The following PEX5L variants were observed in gnomAD, a reference collection of about 807,000 sequenced individuals.
PEX5L encodes the protein PEX5-related protein.
Under a neutral mutation model 84.0 loss-of-function variants are expected in PEX5L, and 30 were observed. That is an observed-to-expected ratio of 0.36 (90% CI 0.27 to 0.48). The LOEUF is 0.48. PEX5L is among the 20% of genes least tolerant of loss of function. The pLI is 0.99. For missense variants in PEX5L, 533 were observed against 754.6 expected (o/e 0.71, Z 3.44); for synonymous variants, 270 against 283.1 (o/e 0.95, Z 0.46).
At chr3:180,000,759 T>C (rs1359081160) in intron 1 of PEX5L, among the ~76,000 whole-genome samples, 1 of 152,244 alleles carries the variant, frequency 6.6e-6, no homozygotes, top group Non-Finnish European at 1.5e-5. Context: ...CATTTAAGTA[T>C]TGTTAACTTT....
intron 3 of PEX5L, among the ~76,000 whole-genome samples, chr3:179,893,300 T>G (rs900919723): frequency 1.3e-5 from 2 of 152,190 alleles, no homozygotes; most frequent in African/African-American, 4.8e-5. Context: ...CTACATTTGC[T>G]TTAGCTCCAC....
intron 2 of PEX5L, chr3:179,902,759 C>A: frequency 2.5e-6 from 1 of 404,758 alleles, no homozygotes; most frequent in Non-Finnish European, 4.9e-6. Context: ...ATTACTGCTA[C>A]CAAGGAATTT....
At chr3:179,877,922 C>G (rs563871756) in intron 5 of PEX5L, among the ~76,000 whole-genome samples, 68 of 152,320 alleles carry the variant, frequency 4.5e-4, no homozygotes, top group Non-Finnish European at 7.9e-4. Flanking sequence ...GTGTATGCCA[C>G]TAGTTTGAAC....
intron 1 of PEX5L, among the ~76,000 whole-genome samples, chr3:179,977,167 TAAAGA>T: frequency 6.6e-6 from 1 of 152,282 alleles, no homozygotes; most frequent in East Asian, 1.9e-4. Flanking sequence ...TTTTTATAAT[TAAAGA>T]AAAGTAAACA....
chr3:179,972,116 T>C (rs910912464), intron 1 of PEX5L, among the ~76,000 whole-genome samples: 1 of 152,164 alleles, frequency 6.6e-6, no homozygotes, highest in Admixed American at 6.6e-5. Context: ...ATTATGCAAC[T>C]CAGATAATGA....
At chr3:179,979,766 G>A (rs2110323291) in intron 1 of PEX5L, among the ~76,000 whole-genome samples, 1 of 152,300 alleles carries the variant, frequency 6.6e-6, no homozygotes. Context: ...ATTGCTTGAT[G>A]TTCTGCTTCT....
At position 179,808,325 on chromosome 3, in the gene PEX5L, C is replaced by T; in HGVS notation, c.1465G>A (p.Glu489Lys). 6.2e-7 allele frequency: 1 copy of T among 1,605,368 alleles called. No individual in the cohort carries two copies. Among genetic ancestry groups the T allele is most frequent in the South Asian group, 1.1e-5 (1 of 89,266 alleles). ...AATGCATCTATTGCTCTATTAAATT[C>T]TCCACTCAGGTGGAACAGAACCCCT... ...GLGVLFHLSG[E>K]FNRAIDAFNA... The change falls in exon 13 of 15, where the codon GAA becomes AAA. Residue 489 changes from glutamate to lysine, a missense_variant. By Grantham distance (56) the Glu-to-Lys change is moderately conservative (BLOSUM62 1). Transcript: ENST00000467460.
intron 8 of PEX5L, among the ~76,000 whole-genome samples, chr3:179,852,118 G>C (rs905934272): frequency 1.3e-5 from 2 of 152,174 alleles, no homozygotes; most frequent in East Asian, 1.9e-4. Flanking sequence ...TGTTTCTGAG[G>C]GTCAGGAATT....
chr3:179,824,776 T>C (rs1043509325), intron 8 of PEX5L, among the ~76,000 whole-genome samples: 1 of 151,752 alleles, frequency 6.6e-6, no homozygotes, highest in African/African-American at 2.4e-5. Flanking sequence ...CTATGCAAGT[T>C]TGGATTAAAA....
At chr3:179,942,017 C>CAAAAAAAAAAA (rs11447396) in intron 2 of PEX5L, among the ~76,000 whole-genome samples, 1 of 89,244 alleles carries the variant, frequency 1.1e-5, no homozygotes, top group Non-Finnish European at 2.0e-5. Flanking sequence ...TGAGACTCCT[C>CAAAAAAAAAAA]AAAAAAAAAA....
At chr3:179,971,776 G>A in intron 1 of PEX5L, 111 bp from the exon 2 acceptor site, 3 of 1,047,862 alleles carry the variant, frequency 2.9e-6, no homozygotes, top group Middle Eastern at 3.2e-4. Flanking sequence ...CAGTCATAAT[G>A]CATCATTCTT....
chr3:180,029,208 TA>T (rs1791230963), intron 1 of PEX5L, among the ~76,000 whole-genome samples: 1 of 152,154 alleles, frequency 6.6e-6, no homozygotes, highest in Non-Finnish European at 1.5e-5. Flanking sequence ...TGTTATTTTT[TA>T]ATAGAGACGG....
In PEX5L at chr3:179,875,454, A is replaced by G. The variant is rs868122676; in HGVS notation, c.529T>C (p.Trp177Arg). The G allele has an allele frequency of 1.4e-5, 21 of 1,522,652 alleles. No homozygotes were observed. In the Middle Eastern group the frequency reaches 2.1e-3, roughly 154 times the overall value. 94.3% of individuals were successfully genotyped at this position (1,522,652 alleles called of 1,614,324 possible). ...DLDIQTQLEK[W>R]DDVKFHGDRN... ...TCTCCATGAAACTTAACATCGTCCC[A>G]TTTTTCCAGTTGTGTTTGAATGTCT... The change falls in exon 6 of 15, where the codon TGG becomes CGG. Residue 177 changes from tryptophan to arginine, a missense_variant. By Grantham distance (101) the Trp-to-Arg change is moderately radical (BLOSUM62 -3). Around this residue, in one of 8 missense-constraint regions of PEX5L, gnomAD observed 259 missense variants for 301.7 expected, o/e 0.86. Transcript: ENST00000467460.
intron 8 of PEX5L, among the ~76,000 whole-genome samples, chr3:179,826,326 T>C (rs886931081): frequency 1.3e-5 from 2 of 152,170 alleles, no homozygotes; most frequent in Non-Finnish European, 2.9e-5. Context: ...GTTGTCTAAA[T>C]AGGAAGGGGT....
chr3:179,974,304 A>G (rs1022241805), intron 1 of PEX5L: 4 of 457,484 alleles, frequency 8.7e-6, no homozygotes, highest in Non-Finnish European at 1.1e-5. Context: ...CAGGGCAATC[A>G]CTTCCTGTGC....
At chr3:179,943,938 A>T (rs1776832935) in intron 2 of PEX5L, among the ~76,000 whole-genome samples, 1 of 152,170 alleles carries the variant, frequency 6.6e-6, no homozygotes, top group Non-Finnish European at 1.5e-5. Context: ...TCACACATTG[A>T]GGACAAGTGA....
At chr3:179,964,735 C>T (rs1001122836) in intron 2 of PEX5L, among the ~76,000 whole-genome samples, 2 of 152,090 alleles carry the variant, frequency 1.3e-5, no homozygotes, top group African/African-American at 4.8e-5. Context: ...AATGCATACC[C>T]AAACCACAAT....
At chr3:179,967,793 G>T (rs1200413780) in intron 2 of PEX5L, among the ~76,000 whole-genome samples, 2 of 152,284 alleles carry the variant, frequency 1.3e-5, no homozygotes, top group Non-Finnish European at 1.5e-5. Flanking sequence ...TTCATAAAGT[G>T]TGGTCTGGAA....
intron 2 of PEX5L, among the ~76,000 whole-genome samples, chr3:179,958,427 A>G (rs749543816): frequency 6.6e-6 from 1 of 152,218 alleles, no homozygotes; most frequent in Non-Finnish European, 1.5e-5. Context: ...GTATGATAGT[A>G]ACCTACATGG....
Sources: gnomAD v4.1 joint callset for allele counts (sites outside exome capture counted in the v4.1 genomes callset) on GRCh38, gnomAD v4.1.1 for gene constraint, gnomAD v4.1.1 regional missense constraint, MANE v1.5 for transcripts, NCBI Gene and HGNC (gene_info 2026-07-23, HGNC 2026-07-21) for gene names.